Variants in TENM1 observed in about 807,000 individuals in gnomAD.
The protein encoded by TENM1 is teneurin-1.
A neutral mutation model predicts 174.8 loss-of-function variants in TENM1; 35 were observed. The ratio of observed to expected loss-of-function variants is 0.20; its 90% CI spans 0.15 to 0.27. The LOEUF is 0.27. Ranked by LOEUF, TENM1 falls within the 10% of genes least tolerant of loss-of-function variation. TENM1 has a pLI of 1.00. For synonymous variants in TENM1, 781 were observed against 798.7 expected, an observed-to-expected ratio of 0.98 and a Z score of 0.37; for missense variants, 1,633 against 2,130.1, an observed-to-expected ratio of 0.77 and a Z score of 4.59.
At chrX:124,617,630 T>C (rs764767482) in intron 11 of TENM1, among the ~76,000 whole-genome samples, 38 of 112,287 alleles carry the variant, frequency 3.4e-4, no homozygotes, top group Non-Finnish European at 6.6e-4. Flanking sequence ...CTAGTTCAGC[T>C]TGGACTAGTT....
intron 23 of TENM1, among the ~76,000 whole-genome samples, chrX:124,438,547 G>A (rs191695819): frequency 2.9e-4 from 32 of 111,676 alleles, no homozygotes; most frequent in Non-Finnish European, 4.5e-4. Flanking sequence ...GTTTTAATAA[G>A]AGCTAACGTG....
chrX:124,595,787 C>T (rs745943460), intron 11 of TENM1, among the ~76,000 whole-genome samples: 11 of 111,620 alleles, frequency 9.9e-5, no homozygotes, highest in Admixed American at 9.5e-5. Flanking sequence ...TCCGATTATA[C>T]TTTCCTTGCA....
At chrX:125,196,013 CGAAGGAAGGAAG>C in the TENM1 span, among the ~76,000 whole-genome samples, 88 of 90,725 alleles carry the variant, frequency 9.7e-4, 1 homozygote, top group South Asian at 5.9e-3. Context: ...AAAGAAGGAA[CGAAGGAAGGAAG>C]GAAGGAAGGA....
At chrX:124,405,306 G>C in intron 26 of TENM1, 40 bp from the exon 30 acceptor site, 1 of 1,083,263 alleles carries the variant, frequency 9.2e-7, no homozygotes, top group Non-Finnish European at 1.3e-6. Context: ...GGGGAAGGAA[G>C]GGAAGAGCAG....
chrX:124,748,047 G>C (rs2053970422), intron 3 of TENM1, among the ~76,000 whole-genome samples: 1 of 111,419 alleles, frequency 9.0e-6, no homozygotes, highest in African/African-American at 3.3e-5. Context: ...CTCCCCCTCA[G>C]GGTAAAAGAA....
At chrX:124,676,068 G>T (rs971654169) in intron 5 of TENM1, among the ~76,000 whole-genome samples, 2 of 104,758 alleles carry the variant, frequency 1.9e-5, no homozygotes, top group African/African-American at 6.9e-5. Context: ...CCATAATCTT[G>T]TTACCTCAGT....
intron 22 of TENM1, among the ~76,000 whole-genome samples, chrX:124,463,681 G>A (rs1364846018): frequency 1.8e-5 from 2 of 111,398 alleles, no homozygotes; most frequent in African/African-American, 6.5e-5. Context: ...GATGGTTAAA[G>A]TTTCCGTACA....
chrX:124,465,051 A>G (rs1272148342), intron 22 of TENM1, among the ~76,000 whole-genome samples: 4 of 111,842 alleles, frequency 3.6e-5, no homozygotes, highest in Admixed American at 9.5e-5. Flanking sequence ...CAGAAGATCC[A>G]GTTGTGAGAC....
intron 11 of TENM1, among the ~76,000 whole-genome samples, chrX:124,590,334 C>T (rs966541480): frequency 9.1e-6 from 1 of 109,933 alleles, no homozygotes; most frequent in Non-Finnish European, 1.9e-5. Flanking sequence ...TATACACCAA[C>T]AACATACAAA....
chrX:124,383,588 A>G (rs1394457366), intron 30 of TENM1, 46 bp downstream of exon 33: 1 of 1,076,950 alleles, frequency 9.3e-7, no homozygotes, highest in East Asian at 3.0e-5. Flanking sequence ...AATCAACAGT[A>G]CTGAGTTACT....
the TENM1 span, among the ~76,000 whole-genome samples, chrX:125,059,557 C>T: frequency 9.0e-6 from 1 of 111,111 alleles, no homozygotes; most frequent in East Asian, 2.8e-4. Flanking sequence ...CTTGTTCATG[C>T]TACATATCTG....
intron 4 of TENM1, among the ~76,000 whole-genome samples, chrX:124,719,507 C>T (rs1017125749): frequency 1.8e-5 from 2 of 111,408 alleles, no homozygotes; most frequent in Non-Finnish European, 3.8e-5. Context: ...TAGGTTAGGT[C>T]ACTTAAGAAA....
At chrX:124,955,211 C>T (rs911504453) in intron 1 of TENM1, among the ~76,000 whole-genome samples, 5 of 110,330 alleles carry the variant, frequency 4.5e-5, no homozygotes, top group African/African-American at 1.7e-4. Flanking sequence ...GGCAGTGGAT[C>T]CCTATCTTGG....
At chrX:125,092,562 G>A in the TENM1 span, among the ~76,000 whole-genome samples, 10 of 111,761 alleles carry the variant, frequency 8.9e-5, no homozygotes, top group Non-Finnish European at 1.9e-4. Context: ...ATCAAAAAAT[G>A]TAGATGATAG....
chrX:124,911,272 T>C (rs111226964), intron 1 of TENM1, among the ~76,000 whole-genome samples: 1,526 of 111,356 alleles, frequency 0.014, 33 homozygotes, highest in African/African-American at 0.048. Context: ...GTCCATATGT[T>C]ATTCAATAAG....
exon 30 of TENM1, chrX:124,383,736 T>C (rs1392010828): frequency 5.0e-6 from 6 of 1,208,707 alleles, no homozygotes; most frequent in Non-Finnish European, 6.7e-6. Flanking sequence ...TGTTTCCATA[T>C]GTGATGATTA....
intron 22 of TENM1, among the ~76,000 whole-genome samples, chrX:124,464,649 G>A (rs1045629382): frequency 3.6e-5 from 4 of 112,025 alleles, no homozygotes; most frequent in Admixed American, 9.5e-5. Context: ...TTCAAGAGAC[G>A]TTTGGGAGAA....
chrX:125,108,287 C>T, the TENM1 span, among the ~76,000 whole-genome samples: 1 of 112,027 alleles, frequency 8.9e-6, no homozygotes, highest in Non-Finnish European at 1.9e-5. Context: ...TTCATTGACT[C>T]TGCGGTCCTA....
At chrX:124,499,220 C>T (rs1252224668) in intron 19 of TENM1, among the ~76,000 whole-genome samples, 2 of 111,515 alleles carry the variant, frequency 1.8e-5, no homozygotes, top group Non-Finnish European at 3.8e-5. Context: ...CCTGAAATGT[C>T]TCTTTAGTTT....
Sources: gnomAD v4.1 joint callset for allele counts (sites outside exome capture counted in the v4.1 genomes callset) on GRCh38, gnomAD v4.1.1 for gene constraint, MANE v1.5 for transcripts, NCBI Gene and HGNC (gene_info 2026-07-23, HGNC 2026-07-21) for gene names.